Variants in MAPKBP1 observed in about 807,000 individuals in gnomAD.
The protein encoded by MAPKBP1 is mitogen-activated protein kinase-binding protein 1.
Under a neutral mutation model 170.5 loss-of-function variants are expected in MAPKBP1, and 71 were observed. That is an observed-to-expected ratio of 0.42 (90% confidence interval 0.34 to 0.51). The LOEUF (loss-of-function observed/expected upper bound fraction) is 0.51. Among genes scored for constraint, MAPKBP1 ranks in the 20% least tolerant of loss-of-function variants. The pLI is 0.06. For missense variants in MAPKBP1, 1,598 were observed against 1,933.0 expected (o/e 0.83, Z 3.25); for synonymous variants, 719 against 757.9 (o/e 0.95, Z 0.84).
At chr15:41,784,121 C>G (rs1205822646) in intron 2 of MAPKBP1, among the ~76,000 whole-genome samples, 2 of 152,200 alleles carry the variant, frequency 1.3e-5, no homozygotes, top group South Asian at 4.1e-4. Flanking sequence ...ATTACCCTGA[C>G]ATTCATTGGT....
intron 21 of MAPKBP1, 25 bp from the exon 22 acceptor site, chr15:41,819,569 TC>T: frequency 2.0e-6 from 3 of 1,518,958 alleles, no homozygotes; most frequent in Non-Finnish European, 2.7e-6. Context: ...AGGAGACACT[TC>T]CTCTGACTGC....
intron 3 of MAPKBP1, among the ~76,000 whole-genome samples, chr15:41,804,291 G>T (rs539573923): frequency 2.0e-4 from 30 of 152,368 alleles, no homozygotes; most frequent in African/African-American, 6.3e-4. Context: ...GTGGTCCTCT[G>T]GTGTTTAATG....
intron 2 of MAPKBP1, 40 bp from the exon 3 acceptor site, chr15:41,799,783 A>T (rs757340197): frequency 7.8e-5 from 121 of 1,553,874 alleles, no homozygotes; most frequent in Non-Finnish European, 4.4e-5. Context: ...TCCCAAACAC[A>T]CTCTGTCTGT....
At chr15:41,819,127 C>T (rs1355963960) in intron 20 of MAPKBP1, 119 bp from the exon 21 acceptor site, 13 of 1,441,438 alleles carry the variant, frequency 9.0e-6, no homozygotes, top group East Asian at 2.3e-5. Context: ...TGAGTCTCCT[C>T]TCCCCCTATT....
At chr15:41,802,164 A>G (rs936079412) in intron 3 of MAPKBP1, among the ~76,000 whole-genome samples, 1 of 152,204 alleles carries the variant, frequency 6.6e-6, no homozygotes, top group East Asian at 1.9e-4. Context: ...ATCATATAAA[A>G]TATATTTTAA....
chr15:41,823,882 C>T lies in MAPKBP1; in HGVS notation c.4034C>T (p.Thr1345Ile). The T allele has an allele frequency of 6.2e-7, 1 of 1,614,178 alleles. No homozygotes were observed. The highest frequency in any genetic ancestry group is 8.5e-7 in the Non-Finnish European group (1 of 1,180,036). Reference protein sequence around the residue: ...TERWACLGEGTTPKPRTECQA... With the variant: ...TERWACLGEGITPKPRTECQA... ...AGATGGGCCTGTTTGGGGGAGGGCACCACTCCCAAGCCTAGGACAGAGTGC... is the reference window on the plus strand; with the variant it reads ...AGATGGGCCTGTTTGGGGGAGGGCATCACTCCCAAGCCTAGGACAGAGTGC... Residue 1345 changes from threonine to isoleucine, a missense_variant, in exon 29 of 31, where the codon ACC becomes ATC. Around this residue, in one of 6 missense-constraint regions of MAPKBP1, gnomAD observed 942 missense variants for 953.2 expected, o/e 0.99. Coordinates refer to ENST00000457542, the MANE Select transcript of MAPKBP1 (RefSeq NM_014994.3).
chr15:41,824,141 C>T, intron 29 of MAPKBP1, 80 bp downstream of exon 29: 1 of 1,501,348 alleles, frequency 6.7e-7, no homozygotes, highest in Non-Finnish European at 8.9e-7. Context: ...GGCTCCATCC[C>T]ATTTCTGTGG....
chr15:41,786,518 A>G (rs1027879084), intron 2 of MAPKBP1, among the ~76,000 whole-genome samples: 1 of 151,710 alleles, frequency 6.6e-6, no homozygotes, highest in African/African-American at 2.4e-5. Flanking sequence ...TAATCCCAGC[A>G]CTTTGGGAGG....
At position 41,812,976 on chromosome 15, in the gene MAPKBP1, A is replaced by G; in HGVS notation, c.694A>G (p.Asn232Asp). The G allele has an allele frequency of 6.2e-7, 1 of 1,613,740 alleles. No individual in the cohort carries two copies. Among genetic ancestry groups the G allele is most frequent in the African/African-American group, 1.3e-5 (1 of 75,022 alleles). The stretch of plus-strand genomic sequence containing the variant: ...AGGGCTGCTGGGAGAGCTACGGAAC[A>G]ACCTATTCACTGATGTGGCCTGTGG... ...RSGLLGELRN[N>D]LFTDVACGRG... The change falls in exon 8 of 31, where the codon AAC becomes GAC. Residue 232 changes from asparagine to aspartate, a missense_variant. Coordinates refer to ENST00000457542, the MANE Select transcript of MAPKBP1 (RefSeq NM_014994.3).
At chr15:41,799,971 G>A in intron 3 of MAPKBP1, 57 bp downstream of exon 3, 4 of 1,444,272 alleles carry the variant, frequency 2.8e-6, no homozygotes, top group Non-Finnish European at 9.7e-7. Context: ...CCACGCTAGA[G>A]CAGTTGGGAT....
chr15:41,816,080 T>C (rs1567151138), intron 12 of MAPKBP1, among the ~76,000 whole-genome samples: 1 of 152,200 alleles, frequency 6.6e-6, no homozygotes, highest in African/African-American at 2.4e-5. Context: ...ATAAACTCAA[T>C]ATAGGCGTGA....
At position 41,784,114 on chromosome 15, in the gene MAPKBP1, A is replaced by G. The variant is rs192088343; in HGVS notation, c.114+8725A>G. 3.4e-3 allele frequency among the ~76,000 whole-genome samples: 518 copies of G among 152,250 alleles called. 3 individuals carry two copies. Among genetic ancestry groups the G allele is most frequent in the Admixed American group, 5.9e-3 (90 of 15,286 alleles). On this transcript the variant is annotated intron_variant, in intron 2 of 30. Transcript: ENST00000457542. ...TGTAACATGCAGGCCTACCTCCATTACCCTGACATTCATTGGTTGGCTTCT... is the reference window on the plus strand; with the variant it reads ...TGTAACATGCAGGCCTACCTCCATTGCCCTGACATTCATTGGTTGGCTTCT...
chr15:41,775,655 G>A (rs1298397985), intron 2 of MAPKBP1, among the ~76,000 whole-genome samples: 3 of 152,246 alleles, frequency 2.0e-5, no homozygotes. Context: ...CACTAAGCAT[G>A]TGCTTGGGAA....
intron 2 of MAPKBP1, among the ~76,000 whole-genome samples, chr15:41,784,507 G>T (rs1175980772): frequency 2.0e-5 from 3 of 152,150 alleles, no homozygotes; most frequent in Admixed American, 1.3e-4. Flanking sequence ...AGCTGGGCCG[G>T]GCGTGGTGGC....
chr15:41,806,437 A>T (rs528091846), intron 3 of MAPKBP1, among the ~76,000 whole-genome samples: 1 of 152,254 alleles, frequency 6.6e-6, no homozygotes, highest in South Asian at 2.1e-4. Context: ...GTGCTGCCCC[A>T]TGCATAGCTC....
chr15:41,822,591 A>T lies in MAPKBP1; in HGVS notation c.3230-2A>T. 1.2e-6 allele frequency: 2 copies of T among 1,613,766 alleles called. No individual in the cohort carries two copies. ...AATTCATGATTTCTCTGACCTTGGT[A>T]GGGGCCCCAGTGCAGGTCCCAGAGA... On this transcript the variant is annotated splice_acceptor_variant, in intron 26 of 30. Coordinates refer to ENST00000457542, the MANE Select transcript of MAPKBP1 (RefSeq NM_014994.3). LOFTEE classifies it high-confidence loss of function.
Position 41,799,807 on chromosome 15 carries a change from T to C in MAPKBP1, c.115-16T>C, listed in dbSNP as rs780831425. Reference sequence around the variant, plus strand: ...CACTCTGTCTGTAACATGTCACTTCTCTCTTCCTCTAACAGGTGACCTTGG... The same window carrying C: ...CACTCTGTCTGTAACATGTCACTTCCCTCTTCCTCTAACAGGTGACCTTGG... On this transcript the variant is annotated splice_polypyrimidine_tract_variant and intron_variant, in intron 2 of 30. Transcript: ENST00000457542. 1 of 1,607,914 alleles carries C rather than the reference T, an allele frequency of 6.2e-7. No individual in the cohort carries two copies. Among genetic ancestry groups the C allele is most frequent in the South Asian group, 1.1e-5 (1 of 90,956 alleles).
intron 3 of MAPKBP1, among the ~76,000 whole-genome samples, chr15:41,807,603 AG>A (rs1408987419): frequency 8.5e-5 from 13 of 152,226 alleles, no homozygotes; most frequent in African/African-American, 3.1e-4. Flanking sequence ...GAGTCTGTAG[AG>A]GGCCTCAGGT....
chr15:41,821,902 C>G, intron 24 of MAPKBP1, 63 bp from the exon 25 acceptor site: 1 of 1,579,904 alleles, frequency 6.3e-7, no homozygotes, highest in Non-Finnish European at 8.6e-7. Context: ...AGGCAGGAGT[C>G]CAGCGGGGCT....
Sources: gnomAD v4.1 joint callset for allele counts (sites outside exome capture counted in the v4.1 genomes callset) on GRCh38, gnomAD v4.1.1 for gene constraint, gnomAD v4.1.1 regional missense constraint, MANE v1.5 for transcripts, NCBI Gene and HGNC (gene_info 2026-07-23, HGNC 2026-07-21) for gene names.